The following PTPRC variants were observed in gnomAD, a reference collection of about 807,000 sequenced individuals.
PTPRC encodes protein tyrosine phosphatase receptor type C.
A neutral mutation model predicts 155.9 loss-of-function variants in PTPRC; 44 were observed. The observed-to-expected ratio is 0.28, with a 90% CI of 0.22 to 0.36. The LOEUF (loss-of-function observed/expected upper bound fraction) is 0.36. PTPRC is among the 10% of genes least tolerant of loss of function. The pLI is 1.00. For synonymous variants in PTPRC, 525 were observed against 533.1 expected (o/e 0.98, Z 0.21); for missense variants, 1,401 against 1,564.6 (o/e 0.90, Z 1.76).
chr1:198,717,497 A>C (rs980543302), intron 13 of PTPRC, among the ~76,000 whole-genome samples: 6 of 152,242 alleles, frequency 3.9e-5, no homozygotes, highest in African/African-American at 1.4e-4. Context: ...CAGAGACCCT[A>C]ACGGGCACTA....
chr1:198,695,772 G>A (rs1666172438), intron 3 of PTPRC, among the ~76,000 whole-genome samples: 1 of 152,090 alleles, frequency 6.6e-6, no homozygotes, highest in Admixed American at 6.6e-5. Context: ...CATTTTTGTA[G>A]ACTTTGGTTG....
At chr1:198,677,556 T>A (rs1220123408) in intron 2 of PTPRC, among the ~76,000 whole-genome samples, 1 of 151,760 alleles carries the variant, frequency 6.6e-6, no homozygotes, top group Non-Finnish European at 1.5e-5. Flanking sequence ...TTTGGGGGAG[T>A]CTTCCATGAT....
intron 32 of PTPRC, 89 bp from the exon 33 acceptor site, chr1:198,755,817 A>G: frequency 7.4e-7 from 1 of 1,349,650 alleles, no homozygotes; most frequent in Middle Eastern, 2.4e-4. Context: ...TTCCACAAAT[A>G]AATCATTAGT....
In PTPRC at chr1:198,757,208, G is replaced by GCTT. The variant is rs1287207698; in HGVS notation, c.*1028_*1030dup. ...AGCATTTACTTTGAATTTCTCCAAT[G>GCTT]CTTAGAATGTTTTTACCAGGAATGG... is the stretch of plus-strand genomic sequence containing the variant. On this transcript the variant is annotated 3_prime_UTR_variant, in exon 33 of 33. Transcript: ENST00000442510. 1.3e-5 allele frequency: 2 copies of GCTT among 151,588 alleles called. No individual in the cohort carries two copies. 9.4% of individuals were successfully genotyped at this position (151,588 alleles called of 1,614,324 possible).
Position 198,699,565 on chromosome 1 carries a change from T to C in PTPRC, c.300T>C (p.Gly100=), listed in dbSNP as rs539973649. 4 of 1,614,168 alleles carry C rather than the reference T, an allele frequency of 2.5e-6. No homozygotes were observed. The highest frequency in any genetic ancestry group is 3.3e-5 in the Admixed American group (2 of 60,018). The change falls in exon 5 of 33, where the codon GGT becomes GGC. Residue 100 remains glycine, a splice_region_variant and synonymous_variant. Transcript: ENST00000442510. ...AATGATCTCACTTTCCTACCTTAGG[T>C]GTTTCATCAGTACAGACGCCTCACC... ...LDNASAFNTT[G]VSSVQTPHLP...
At chr1:198,656,509 C>T (rs941602856) in intron 2 of PTPRC, among the ~76,000 whole-genome samples, 2 of 151,964 alleles carry the variant, frequency 1.3e-5, no homozygotes, top group Non-Finnish European at 2.9e-5. Context: ...ATCCAGATAC[C>T]TACAAGGGCC....
At chr1:198,698,075 T>G (rs1666289790) in intron 4 of PTPRC, among the ~76,000 whole-genome samples, 1 of 152,218 alleles carries the variant, frequency 6.6e-6, no homozygotes, top group Non-Finnish European at 1.5e-5. Flanking sequence ...GCTATTTTAT[T>G]ATTTTGTTTA....
intron 3 of PTPRC, chr1:198,695,293 C>T: frequency 1.4e-6 from 1 of 709,740 alleles, no homozygotes; most frequent in Non-Finnish European, 1.7e-6. Flanking sequence ...CATATTTGTG[C>T]CATTGTCTTT....
chr1:198,669,241 G>A (rs1026027154), intron 2 of PTPRC, among the ~76,000 whole-genome samples: 2 of 152,128 alleles, frequency 1.3e-5, no homozygotes, highest in Non-Finnish European at 2.9e-5. Context: ...GTTTGGAAAT[G>A]ACTAATGCTT....
chr1:198,749,293 G>A, intron 27 of PTPRC, 123 bp from the exon 28 acceptor site: 1 of 937,024 alleles, frequency 1.1e-6, no homozygotes, highest in Non-Finnish European at 1.7e-6. Context: ...CTTATTTCAT[G>A]TAGATCAGTA....
chr1:198,729,781 C>A (rs1022846512), intron 17 of PTPRC, among the ~76,000 whole-genome samples: 14 of 152,002 alleles, frequency 9.2e-5, no homozygotes, highest in African/African-American at 3.1e-4. Flanking sequence ...TTGATACATG[C>A]CCTAGTAGTT....
intron 31 of PTPRC, among the ~76,000 whole-genome samples, chr1:198,753,317 T>G (rs1655471640): frequency 6.6e-6 from 1 of 152,076 alleles, no homozygotes; most frequent in African/African-American, 2.4e-5. Flanking sequence ...TCAATAATAC[T>G]ACTAGATTTT....
chr1:198,686,444 A>C (rs1287090827), intron 2 of PTPRC, among the ~76,000 whole-genome samples: 1 of 152,232 alleles, frequency 6.6e-6, no homozygotes, highest in African/African-American at 2.4e-5. Context: ...TGTAGAATGT[A>C]GTAACTGTAA....
intron 15 of PTPRC, 41 bp from the exon 16 acceptor site, chr1:198,728,299 T>C (rs2102473225): frequency 6.5e-7 from 1 of 1,526,934 alleles, no homozygotes; most frequent in East Asian, 2.3e-5. Flanking sequence ...TAGCAAGTTA[T>C]TTGACAATCG....
intron 31 of PTPRC, among the ~76,000 whole-genome samples, 156 bp downstream of exon 31, chr1:198,752,928 A>C (rs1455226918): frequency 6.6e-6 from 1 of 152,108 alleles, no homozygotes; most frequent in Non-Finnish European, 1.5e-5. Context: ...TCCACAACAC[A>C]ACTATTGTAG....
At chr1:198,741,350 C>T (rs1389140679) in intron 23 of PTPRC, among the ~76,000 whole-genome samples, 1 of 151,758 alleles carries the variant, frequency 6.6e-6, no homozygotes, top group African/African-American at 2.4e-5. Flanking sequence ...CATGTGAAGG[C>T]CTAAGGAATA....
intron 2 of PTPRC, among the ~76,000 whole-genome samples, chr1:198,686,234 G>A (rs544350247): frequency 1.3e-5 from 2 of 152,196 alleles, no homozygotes; most frequent in Admixed American, 6.5e-5. Flanking sequence ...TCTGTTTAAT[G>A]TATCTAGTCA....
chr1:198,744,253 T>C (rs754000359), intron 26 of PTPRC, 50 bp downstream of exon 26: 11 of 1,515,676 alleles, frequency 7.3e-6, no homozygotes, highest in African/African-American at 4.2e-5. Context: ...TTTTATTCAG[T>C]GTCATCTACT....
chr1:198,740,626 A>G (rs957464299), intron 23 of PTPRC, among the ~76,000 whole-genome samples: 4 of 151,918 alleles, frequency 2.6e-5, no homozygotes, highest in Admixed American at 1.3e-4. Context: ...GACTAAGGAA[A>G]AAAGAGTGGA....
Sources: gnomAD v4.1 joint callset for allele counts (sites outside exome capture counted in the v4.1 genomes callset) on GRCh38, gnomAD v4.1.1 for gene constraint, MANE v1.5 for transcripts, NCBI Gene and HGNC (gene_info 2026-07-23, HGNC 2026-07-21) for gene names.